Variants in FER observed in about 807,000 individuals in gnomAD.
The protein encoded by FER is tyrosine-protein kinase Fer.
FER carries 63 observed loss-of-function variants against 111.0 expected under a neutral mutation model. The ratio of observed to expected loss-of-function variants is 0.57; its 90% CI spans 0.46 to 0.70. FER has a LOEUF of 0.70. Among genes scored for constraint, FER ranks in the 30% least tolerant of loss-of-function variants. FER has a pLI of 0.00. For synonymous variants in FER, 327 were observed against 313.9 expected (o/e 1.04, Z -0.44); for missense variants, 914 against 954.0 (o/e 0.96, Z 0.55).
intron 10 of FER, among the ~76,000 whole-genome samples, chr5:108,918,708 C>T (rs957259593): frequency 2.6e-5 from 4 of 151,786 alleles, no homozygotes; most frequent in Non-Finnish European, 4.4e-5. Flanking sequence ...AGGATGGTCT[C>T]GATCTCCTGA....
At chr5:109,069,485 A>T (rs1775521128) in intron 16 of FER, among the ~76,000 whole-genome samples, 1 of 152,174 alleles carries the variant, frequency 6.6e-6, no homozygotes, top group African/African-American at 2.4e-5. Flanking sequence ...ACACATAGGA[A>T]ACCAGAGTAT....
intron 17 of FER, among the ~76,000 whole-genome samples, chr5:109,129,751 T>C (rs141219164): frequency 9.9e-5 from 15 of 152,176 alleles, no homozygotes; most frequent in African/African-American, 3.4e-4. Context: ...ATTATTGAAA[T>C]GTGTCAAACG....
intron 5 of FER, among the ~76,000 whole-genome samples, chr5:108,856,411 AT>A (rs1763013225): frequency 6.6e-6 from 1 of 152,186 alleles, no homozygotes; most frequent in Non-Finnish European, 1.5e-5. Flanking sequence ...TATTTTATGC[AT>A]AACATGTAGC....
Position 109,143,320 on chromosome 5 carries a change from G to T in FER, c.2049-37427G>T, listed in dbSNP as rs190800919. The stretch of plus-strand genomic sequence containing the variant: ...TGACTCTAGACACATAAATTTACTT[G>T]TCTTGTTGCCAACCTAAAAGATAGA... On this transcript the variant is annotated intron_variant, in intron 17 of 19. Coordinates refer to ENST00000281092, the MANE Select transcript of FER (RefSeq NM_005246.4). 1.1e-3 allele frequency among the ~76,000 whole-genome samples: 160 copies of T among 152,244 alleles called. 1 individual carries two copies. The highest frequency in any genetic ancestry group is 3.6e-3 in the African/African-American group (149 of 41,562).
chr5:109,060,093 A>G (rs1774191548), intron 16 of FER, among the ~76,000 whole-genome samples: 1 of 152,230 alleles, frequency 6.6e-6, no homozygotes, highest in African/African-American at 2.4e-5. Context: ...GATTCCATTT[A>G]TATGAAATAC....
At chr5:109,171,559 A>T (rs1757095963) in intron 17 of FER, among the ~76,000 whole-genome samples, 1 of 152,294 alleles carries the variant, frequency 6.6e-6, no homozygotes, top group East Asian at 1.9e-4. Context: ...ATTCAGTAAG[A>T]AGTGGTTTTG....
At chr5:108,970,351 G>A (rs1760472338) in intron 13 of FER, among the ~76,000 whole-genome samples, 1 of 152,034 alleles carries the variant, frequency 6.6e-6, no homozygotes, top group African/African-American at 2.4e-5. Flanking sequence ...AAGTGGCTGG[G>A]ACTACAGGCG....
intron 13 of FER, among the ~76,000 whole-genome samples, chr5:108,981,953 A>G (rs1011337055): frequency 6.6e-6 from 1 of 152,118 alleles, no homozygotes; most frequent in South Asian, 2.1e-4. Context: ...ACCATCAATG[A>G]TGCTAATTAA....
intron 10 of FER, among the ~76,000 whole-genome samples, chr5:108,917,919 T>A (rs1752478299): frequency 6.6e-6 from 1 of 152,102 alleles, no homozygotes; most frequent in Admixed American, 6.6e-5. Flanking sequence ...AAGATTTACA[T>A]GCTTGTGTTC....
At chr5:109,165,690 T>C (rs936470172) in intron 17 of FER, among the ~76,000 whole-genome samples, 1 of 150,496 alleles carries the variant, frequency 6.6e-6, no homozygotes, top group Non-Finnish European at 1.5e-5. Flanking sequence ...TTGAGCAGAG[T>C]TGGGGAAAAT....
chr5:108,996,268 T>G (rs113520706), intron 13 of FER, among the ~76,000 whole-genome samples: 1 of 152,110 alleles, frequency 6.6e-6, no homozygotes, highest in South Asian at 2.1e-4. Flanking sequence ...TAGTTTAATT[T>G]GATCCCATTT....
chr5:108,798,359 C>T lies in FER; in HGVS notation c.177C>T (p.Val59=). Residue 59 remains valine, a synonymous_variant, in exon 3 of 20, where the codon GTC becomes GTT. Transcript: ENST00000281092. The part of the protein sequence containing the change: ...LCNQVDKEST[V]QMNYVSNVSK... ...ATCAAGTTGATAAGGAAAGTACTGTCCAAATGAATTATGTCAGCAACGTAT... is the reference window on the plus strand; with the variant it reads ...ATCAAGTTGATAAGGAAAGTACTGTTCAAATGAATTATGTCAGCAACGTAT... 6.2e-7 allele frequency: 1 copy of T among 1,613,214 alleles called. No individual in the cohort carries two copies. Among genetic ancestry groups the T allele is most frequent in the East Asian group, 2.2e-5 (1 of 44,868 alleles).
chr5:108,850,068 G>A (rs578192340), intron 5 of FER, among the ~76,000 whole-genome samples: 4 of 151,976 alleles, frequency 2.6e-5, no homozygotes, highest in East Asian at 1.9e-4. Flanking sequence ...GGTGGTGCGC[G>A]CCTGTAGTCC....
chr5:108,963,830 C>T (rs1022858427), intron 13 of FER, among the ~76,000 whole-genome samples: 1 of 152,154 alleles, frequency 6.6e-6, no homozygotes, highest in African/African-American at 2.4e-5. Flanking sequence ...AGAGAAGAAA[C>T]TGCACTTTAA....
At chr5:109,128,446 T>C (rs919350636) in intron 17 of FER, among the ~76,000 whole-genome samples, 1 of 152,198 alleles carries the variant, frequency 6.6e-6, no homozygotes, top group Non-Finnish European at 1.5e-5. Flanking sequence ...TATGTGATTT[T>C]AGACAGTTGC....
At chr5:109,126,477 C>T (rs574468689) in intron 17 of FER, among the ~76,000 whole-genome samples, 9 of 152,098 alleles carry the variant, frequency 5.9e-5, no homozygotes, top group South Asian at 2.1e-4. Context: ...GGGCTAGGCC[C>T]GTCTAAATCC....
chr5:108,826,949 T>G (rs1410679242), intron 3 of FER, among the ~76,000 whole-genome samples: 1 of 151,990 alleles, frequency 6.6e-6, no homozygotes, highest in Non-Finnish European at 1.5e-5. Context: ...TTTAGAAACT[T>G]TTTTTTTATT....
intron 17 of FER, among the ~76,000 whole-genome samples, chr5:109,127,511 C>T (rs1436126086): frequency 3.3e-5 from 5 of 152,136 alleles, no homozygotes; most frequent in East Asian, 3.9e-4. Flanking sequence ...TCAAGGGGTT[C>T]TCCTGCCTCA....
intron 2 of FER, among the ~76,000 whole-genome samples, chr5:108,769,426 C>A (rs1043816633): frequency 4.6e-5 from 7 of 152,016 alleles, no homozygotes; most frequent in Non-Finnish European, 1.0e-4. Flanking sequence ...GAGAAAGAGG[C>A]AGATTTGAGT....
Sources: gnomAD v4.1 joint callset for allele counts (sites outside exome capture counted in the v4.1 genomes callset) on GRCh38, gnomAD v4.1.1 for gene constraint, MANE v1.5 for transcripts, NCBI Gene and HGNC (gene_info 2026-07-23, HGNC 2026-07-21) for gene names.